The following CAMTA1 variants were observed in gnomAD, a reference collection of about 807,000 sequenced individuals.
CAMTA1 encodes calmodulin binding transcription activator 1.
Under a neutral mutation model 170.9 loss-of-function variants are expected in CAMTA1, and 27 were observed. That is an observed-to-expected ratio of 0.16 (90% confidence interval 0.12 to 0.22). The LOEUF is 0.22. Among genes scored for constraint, CAMTA1 ranks in the 10% least tolerant of loss-of-function variants. CAMTA1 has a pLI of 1.00. For missense variants in CAMTA1, 1,619 were observed against 2,217.2 expected, an observed-to-expected ratio of 0.73 and a Z score of 5.42; for synonymous variants, 833 against 891.5, an observed-to-expected ratio of 0.93 and a Z score of 1.17.
intron 4 of CAMTA1, among the ~76,000 whole-genome samples, chr1:7,102,067 CACAG>C (rs1330952331): frequency 3.1e-5 from 4 of 127,550 alleles, no homozygotes; most frequent in South Asian, 2.5e-4. Context: ...CACACACACA[CACAG>C]CTTCCTGTAT....
rs1646053783 is a variant in CAMTA1 at position 7,144,259 on chromosome 1, GTGTT to G, written c.302+52892_302+52895del. 6.6e-6 allele frequency among the ~76,000 whole-genome samples: 1 copy of G among 151,258 alleles called. No homozygotes were observed. Among genetic ancestry groups the G allele is most frequent in the Admixed American group, 6.6e-5 (1 of 15,230 alleles). ...TAAGTGTGTGTGTGTGTGTATGTGT[GTGTT>G]TGTGTGTATGAGTGTGTGTTTGTGT... is the stretch of plus-strand genomic sequence containing the variant. On this transcript the variant is annotated intron_variant, in intron 4 of 22. Coordinates refer to ENST00000303635, the MANE Select transcript of CAMTA1 (RefSeq NM_015215.4). This position sits in a 1 kb window ranked among gnomAD's most constrained non-coding sequence, Gnocchi z 4.0.
chr1:6,994,388 T>C (rs1460785553), intron 3 of CAMTA1, among the ~76,000 whole-genome samples: 1 of 152,224 alleles, frequency 6.6e-6, no homozygotes, highest in Non-Finnish European at 1.5e-5. Flanking sequence ...TATTTTATTT[T>C]TCTTAACATG....
chr1:7,708,870 A>G (rs937407182), intron 11 of CAMTA1, among the ~76,000 whole-genome samples: 5 of 152,342 alleles, frequency 3.3e-5, no homozygotes, highest in Non-Finnish European at 7.3e-5. Context: ...GAAGGTGATG[A>G]TAAGTCATGT....
rs1189555029 is a variant in CAMTA1 at position 7,680,454 on chromosome 1, T to TCTCCCACGCGCGCGCC, written c.2914+2727_2914+2742dup. Among the ~76,000 whole-genome samples the TCTCCCACGCGCGCGCC allele has an allele frequency of 4.6e-5, 7 of 151,720 alleles. No individual in the cohort carries two copies. In the East Asian group the frequency reaches 5.9e-4, roughly 13 times the overall value. Reference sequence around the variant, plus strand: ...GCCGGCGGCGCGCGTGCACACACTCTCTCCCACGCGCGCGCCCTCCCGCCG... The same window carrying TCTCCCACGCGCGCGCC: ...GCCGGCGGCGCGCGTGCACACACTCTCTCCCACGCGCGCGCCCTCCCACGCGCGCGCCCTCCCGCCG... On this transcript the variant is annotated intron_variant, in intron 11 of 22. Transcript: ENST00000303635. The surrounding 1 kb of genome is among the most constrained non-coding windows in gnomAD (Gnocchi z 4.4).
At chr1:6,800,131 G>A (rs1349853108) in intron 1 of CAMTA1, among the ~76,000 whole-genome samples, 5 of 152,046 alleles carry the variant, frequency 3.3e-5, no homozygotes, top group African/African-American at 9.7e-5. Flanking sequence ...TAGGCCGGGT[G>A]CTGTGGCTCG....
chr1:7,052,553 C>T (rs1320911794), intron 3 of CAMTA1, among the ~76,000 whole-genome samples: 1 of 152,178 alleles, frequency 6.6e-6, no homozygotes, highest in African/African-American at 2.4e-5. Context: ...CTCCCCGACT[C>T]AGCTCAGATT....
intron 6 of CAMTA1, among the ~76,000 whole-genome samples, chr1:7,487,471 C>T (rs761936675): frequency 6.6e-6 from 1 of 152,246 alleles, no homozygotes; most frequent in Non-Finnish European, 1.5e-5. Flanking sequence ...TATTGCACTG[C>T]AGTGGCATTT....
chr1:7,178,836 A>G (rs1651499010), intron 4 of CAMTA1, among the ~76,000 whole-genome samples: 1 of 152,206 alleles, frequency 6.6e-6, no homozygotes, highest in South Asian at 2.1e-4. Context: ...AAGAAGCCAC[A>G]ACCTCAGGGA....
intron 5 of CAMTA1, among the ~76,000 whole-genome samples, chr1:7,259,611 C>T (rs184871551): frequency 3.7e-4 from 57 of 152,306 alleles, no homozygotes; most frequent in Admixed American, 1.9e-3. Flanking sequence ...ATTTATTTTA[C>T]CTTGTCTTAA....
intron 6 of CAMTA1, among the ~76,000 whole-genome samples, chr1:7,470,187 C>G (rs568654550): frequency 4.6e-5 from 7 of 152,202 alleles, no homozygotes; most frequent in African/African-American, 1.7e-4. Flanking sequence ...AAAGAGGGAG[C>G]GCACACAGGT....
intron 3 of CAMTA1, among the ~76,000 whole-genome samples, chr1:7,070,633 C>T (rs1638515595): frequency 6.6e-6 from 1 of 152,198 alleles, no homozygotes; most frequent in South Asian, 2.1e-4. Flanking sequence ...TCCCAGGTTG[C>T]AACTCAGACC....
At chr1:7,764,475 T>A (rs1039573364) in intron 22 of CAMTA1, among the ~76,000 whole-genome samples, 2 of 152,232 alleles carry the variant, frequency 1.3e-5, no homozygotes, top group African/African-American at 4.8e-5. Flanking sequence ...GAGAGCATCT[T>A]CTCTATGAAG....
Position 7,602,603 on chromosome 1 carries a change from C to A in CAMTA1, c.511-37797C>A, listed in dbSNP as rs182672783. On this transcript the variant is annotated intron_variant, in intron 6 of 22. Transcript: ENST00000303635. ...CAATTTTGTTGATCTTTTCAAAAAA[C>A]CAGCTCCTGGATTTATTGATTTTTT... 4.5e-3 allele frequency among the ~76,000 whole-genome samples: 682 copies of A among 152,280 alleles called. 7 individuals carry two copies. Among genetic ancestry groups the A allele is most frequent in the African/African-American group, 0.016 (660 of 41,556 alleles).
At chr1:7,379,597 CTG>C (rs1214086450) in intron 5 of CAMTA1, among the ~76,000 whole-genome samples, 2 of 152,224 alleles carry the variant, frequency 1.3e-5, no homozygotes, top group Non-Finnish European at 2.9e-5. Flanking sequence ...AGCACTTTCT[CTG>C]TCTATGGATT....
chr1:7,191,172 A>G (rs1654451219), intron 4 of CAMTA1, among the ~76,000 whole-genome samples: 1 of 152,244 alleles, frequency 6.6e-6, no homozygotes, highest in Non-Finnish European at 1.5e-5. Flanking sequence ...CTTGTCAGCC[A>G]TCTCTATCAG....
At chr1:7,214,615 C>T (rs1369780231) in intron 4 of CAMTA1, among the ~76,000 whole-genome samples, 2 of 152,204 alleles carry the variant, frequency 1.3e-5, no homozygotes, top group African/African-American at 4.8e-5. Flanking sequence ...ATCCACCCGC[C>T]TTTGCCTCCC....
chr1:7,035,472 A>G (rs1041416437), intron 3 of CAMTA1, among the ~76,000 whole-genome samples: 1 of 152,130 alleles, frequency 6.6e-6, no homozygotes, highest in African/African-American at 2.4e-5. Flanking sequence ...GCGTGTGTGC[A>G]TGTGTGTGTG....
intron 5 of CAMTA1, among the ~76,000 whole-genome samples, chr1:7,337,236 T>C (rs2083441747): frequency 6.6e-6 from 1 of 152,182 alleles, no homozygotes; most frequent in Non-Finnish European, 1.5e-5. Context: ...AGGACCTGTG[T>C]CCACCCGACT....
At chr1:7,601,986 C>T (rs1256454981) in intron 6 of CAMTA1, among the ~76,000 whole-genome samples, 7 of 104,264 alleles carry the variant, frequency 6.7e-5, no homozygotes, top group East Asian at 4.9e-4. Flanking sequence ...AGAGGGAGAC[C>T]GTGGGGAGAG....
Sources: allele counts gnomAD v4.1 joint callset (sites outside exome capture counted in the v4.1 genomes callset), GRCh38; gene constraint gnomAD v4.1.1; non-coding constraint Gnocchi (gnomAD v3.1); transcripts MANE v1.5; gene names NCBI Gene and HGNC (gene_info 2026-07-23, HGNC 2026-07-21).